IDH3A: variants seen among roughly 807,000 people sequenced by gnomAD.
The protein encoded by IDH3A is isocitrate dehydrogenase [NAD] subunit alpha, mitochondrial.
Under a neutral mutation model 43.3 loss-of-function variants are expected in IDH3A, and 23 were observed. The ratio of observed to expected loss-of-function variants is 0.53; its 90% confidence interval spans 0.38 to 0.75. The LOEUF is 0.75. IDH3A is among the 30% of genes least tolerant of loss of function. The probability of loss-of-function intolerance (pLI) is 0.00; values close to 1 mark genes in which losing one functional copy is unlikely to be tolerated. For synonymous variants in IDH3A, 154 were observed against 163.5 expected (o/e 0.94, Z 0.44); for missense variants, 329 against 474.4 (o/e 0.69, Z 2.85).
chr15:78,166,101 T>C, intron 9 of IDH3A, 49 bp from the exon 10 acceptor site: 4 of 1,565,986 alleles, frequency 2.6e-6, no homozygotes, highest in Non-Finnish European at 3.5e-6. Flanking sequence ...AGAAGAGGAC[T>C]GTTAGTTTTT....
At chr15:78,149,765 A>G (rs968957046) in intron 1 of IDH3A, among the ~76,000 whole-genome samples, 3 of 152,222 alleles carry the variant, frequency 2.0e-5, no homozygotes, top group Non-Finnish European at 4.4e-5. Context: ...GAGCCCGGGA[A>G]GGTCACGGGA....
At chr15:78,152,357 CTTTTTTTTT>C (rs33914139) in intron 1 of IDH3A, among the ~76,000 whole-genome samples, 61 of 80,712 alleles carry the variant, frequency 7.6e-4, no homozygotes, top group Non-Finnish European at 1.0e-3. Flanking sequence ...TGCGCCCGGC[CTTTTTTTTT>C]TTTTTTTTTT....
chr15:78,155,498 A>G (rs2074616450), intron 2 of IDH3A: 4 of 385,154 alleles, frequency 1.0e-5, no homozygotes, highest in East Asian at 4.2e-5. Context: ...AGTTTGTCAC[A>G]TTAATATCTT....
chr15:78,162,156 T>C, intron 5 of IDH3A, 78 bp from the exon 6 acceptor site: 1 of 1,505,376 alleles, frequency 6.6e-7, no homozygotes, highest in South Asian at 1.1e-5. Flanking sequence ...CAAATGTTAC[T>C]GTCTACTCCC....
At chr15:78,160,063 C>G in intron 3 of IDH3A, 29 bp from the exon 4 acceptor site, 2 of 1,323,350 alleles carry the variant, frequency 1.5e-6, no homozygotes, top group Non-Finnish European at 2.2e-6. Context: ...GTCTCTCCAG[C>G]TCACTGTGCT....
chr15:78,155,543 A>AG (rs1190390292), intron 2 of IDH3A: 2 of 260,816 alleles, frequency 7.7e-6, no homozygotes, highest in Non-Finnish European at 1.4e-5. Context: ...AGTACCCTTG[A>AG]GCCTGTTATT....
intron 10 of IDH3A, among the ~76,000 whole-genome samples, chr15:78,167,162 A>C (rs1346855001): frequency 2.0e-5 from 3 of 152,256 alleles, no homozygotes; most frequent in Non-Finnish European, 2.9e-5. Context: ...TATAAAAGTA[A>C]TAACTAATAT....
rs1823426248 is a variant in IDH3A at position 78,170,460 on chromosome 15, A to T, written c.*1455A>T. ...TCTTAAATGTATTTTCCTTTGTTTA[A>T]GCTGCTGCTTCCTCTGTTTCATTGG... is the stretch of plus-strand genomic sequence containing the variant. On this transcript the variant is annotated 3_prime_UTR_variant, in exon 11 of 11. Coordinates refer to ENST00000299518, the MANE Select transcript of IDH3A (RefSeq NM_005530.3). 6.6e-6 allele frequency: 1 copy of T among 152,000 alleles called. No homozygotes were observed. The highest frequency in any genetic ancestry group is 2.1e-4 in the South Asian group (1 of 4,820). The allele number at this position is 152,000 out of a possible 1,614,324, so 9.4% of individuals were successfully genotyped here. A position where few individuals can be genotyped will look rare whatever the true frequency, so the allele number is the denominator to read the frequency against.
At chr15:78,154,207 G>A (rs1473132579) in intron 1 of IDH3A, among the ~76,000 whole-genome samples, 3 of 146,512 alleles carry the variant, frequency 2.0e-5, no homozygotes, top group South Asian at 2.2e-4. Context: ...AAAAAAACAC[G>A]TACCAGTGGT....
At chr15:78,155,516 C>G (rs1822282593) in intron 2 of IDH3A, 3 of 320,860 alleles carry the variant, frequency 9.3e-6, no homozygotes, top group Non-Finnish European at 1.1e-5. Context: ...CTTGAGGGAG[C>G]CTTGTTAAAA....
At chr15:78,166,089 C>G in intron 9 of IDH3A, 61 bp from the exon 10 acceptor site, 1 of 1,514,426 alleles carries the variant, frequency 6.6e-7, no homozygotes, top group Non-Finnish European at 9.2e-7. Flanking sequence ...TCCAGCTTCC[C>G]CAGAAGAGGA....
chr15:78,161,545 C>T lies in IDH3A; in HGVS notation c.290-36C>T, dbSNP rs2074681286. ...TAGGTCACACGTGAGACCAGAATTCCTTCTAGTGTCATCTGGGTTTTCTTC... is the reference window on the plus strand; with the variant it reads ...TAGGTCACACGTGAGACCAGAATTCTTTCTAGTGTCATCTGGGTTTTCTTC... On this transcript the variant is annotated intron_variant, in intron 4 of 10. Transcript: ENST00000299518. The surrounding 1 kb of genome is among the most constrained non-coding windows in gnomAD (Gnocchi z 4.8). 1.3e-6 allele frequency: 2 copies of T among 1,575,444 alleles called. No individual in the cohort carries two copies. The highest frequency in any genetic ancestry group is 2.7e-5 in the African/African-American group (2 of 74,238).
At chr15:78,166,082 A>T (rs780324846) in intron 9 of IDH3A, 68 bp from the exon 10 acceptor site, 10 of 1,459,088 alleles carry the variant, frequency 6.9e-6, no homozygotes, top group Non-Finnish European at 9.6e-6. Context: ...TTAAGACTCC[A>T]GCTTCCCCAG....
rs369949545 is a variant in IDH3A, at chr15:78,166,219, G to A, written c.934G>A (p.Val312Met). The A allele has an allele frequency of 1.9e-6, 3 of 1,614,040 alleles. No individual in the cohort carries two copies. The highest frequency in any genetic ancestry group is 2.2e-5 in the East Asian group (1 of 44,892). ...ANPTALLLSA[V>M]MMLRHMGLFD... The stretch of plus-strand genomic sequence containing the variant: ...TCCCACAGCCCTCCTGCTCAGTGCC[G>A]TGATGATGCTGCGCCACATGGGACT... The change falls in exon 10 of 11, where the codon GTG (valine) becomes ATG (methionine). Residue 312 changes from valine (V) to methionine (M), a missense_variant. By Grantham distance (21) the Val-to-Met change is conservative. Around this residue, in one of 3 missense-constraint regions of IDH3A, gnomAD observed 91 missense variants for 111.6 expected, o/e 0.82. Transcript: ENST00000299518.
chr15:78,163,716 A>G lies in IDH3A; in HGVS notation c.715A>G (p.Met239Val). The change falls in exon 8 of 11, where the codon ATG (methionine) becomes GTG (valine). Residue 239 changes from methionine (M) to valine (V), a missense_variant and splice_region_variant. Transcript: ENST00000299518. ...AAATGCACAAATGTATTCCTTGTAGATGGTACAAGATCCTTCCCAATTTGA... is the reference window on the plus strand; with the variant it reads ...AAATGCACAAATGTATTCCTTGTAGGTGGTACAAGATCCTTCCCAATTTGA... ...EMYLDTVCLN[M>V]VQDPSQFDVL... 6.2e-7 allele frequency: 1 copy of G among 1,610,728 alleles called. No individual in the cohort carries two copies. Among genetic ancestry groups the G allele is most frequent in the Non-Finnish European group, 8.5e-7 (1 of 1,176,988 alleles).
chr15:78,163,368 G>A, intron 6 of IDH3A, 139 bp from the exon 7 acceptor site: 2 of 601,382 alleles, frequency 3.3e-6, no homozygotes, highest in Non-Finnish European at 5.9e-6. Flanking sequence ...AACTACCTAA[G>A]AAATAATTTT....
Position 78,171,718 on chromosome 15 carries a change from T to C in IDH3A, c.*2713T>C. The C allele has an allele frequency of 1.9e-6, 1 of 539,396 alleles. No homozygotes were observed. The highest frequency in any genetic ancestry group is 3.2e-5 in the East Asian group (1 of 31,648). 33.4% of individuals were successfully genotyped at this position (539,396 alleles called of 1,614,324 possible). A position where few individuals can be genotyped will look rare whatever the true frequency, so the allele number is the denominator to read the frequency against. On this transcript the variant is annotated 3_prime_UTR_variant, in exon 11 of 11. Transcript: ENST00000299518. Reference sequence around the variant, plus strand: ...CATATGGCTTGTGTGTAGTCTCCTGTGTTATACCACTGGTTGTGGCCAGTG... The same window carrying C: ...CATATGGCTTGTGTGTAGTCTCCTGCGTTATACCACTGGTTGTGGCCAGTG...
At chr15:78,157,036 A>C in intron 2 of IDH3A, 1 of 1,237,480 alleles carries the variant, frequency 8.1e-7, no homozygotes, top group Non-Finnish European at 1.0e-6. Context: ...AACAGACCTC[A>C]GTAATATTTT....
At chr15:78,162,463 C>A in intron 6 of IDH3A, 96 bp downstream of exon 6, 1 of 1,340,966 alleles carries the variant, frequency 7.5e-7, no homozygotes, top group Non-Finnish European at 1.0e-6. Context: ...TTCCTTGATT[C>A]CTAATATCTT....
Sources: gnomAD v4.1 joint callset for allele counts (sites outside exome capture counted in the v4.1 genomes callset) on GRCh38, gnomAD v4.1.1 for gene constraint, gnomAD v4.1.1 regional missense constraint, Gnocchi (gnomAD v3.1) non-coding constraint, MANE v1.5 for transcripts, NCBI Gene and HGNC (gene_info 2026-07-23, HGNC 2026-07-21) for gene names.